The following TCF4 variants were observed in gnomAD, a reference collection of about 807,000 sequenced individuals.
TCF4 encodes the protein SL3-3 enhancer factor 2.
A neutral mutation model predicts 82.1 loss-of-function variants in TCF4; 3 were observed. That is an observed-to-expected ratio of 0.04 (90% confidence interval 0.02 to 0.09). The LOEUF is 0.09. TCF4 is among the 10% of genes least tolerant of loss of function. The pLI, the probability that TCF4 is intolerant of heterozygous loss-of-function variation, is 1.00. For missense variants in TCF4, 518 were observed against 852.7 expected (o/e 0.61, Z 4.89); for synonymous variants, 276 against 309.6 (o/e 0.89, Z 1.14).
intron 13 of TCF4, among the ~76,000 whole-genome samples, chr18:55,258,518 C>T (rs1464491347): frequency 6.6e-6 from 1 of 152,126 alleles, no homozygotes; most frequent in African/African-American, 2.4e-5. Context: ...AGATTTTTGT[C>T]CAAGCTCTGC....
chr18:55,231,206 C>T (rs769608157), intron 17 of TCF4: 1 of 152,200 alleles, frequency 6.6e-6, no homozygotes, highest in Non-Finnish European at 1.5e-5. Flanking sequence ...CAGTCTCTGC[C>T]AGGCCTGTCC....
chr18:55,409,428 T>C (rs1197306356), intron 5 of TCF4, among the ~76,000 whole-genome samples: 1 of 152,128 alleles, frequency 6.6e-6, no homozygotes, highest in African/African-American at 2.4e-5. Flanking sequence ...AGGTGCTCTC[T>C]AACTCCTATG....
intron 3 of TCF4, among the ~76,000 whole-genome samples, chr18:55,577,109 T>C (rs1173435054): frequency 6.8e-6 from 1 of 146,584 alleles, no homozygotes; most frequent in African/African-American, 2.5e-5. Context: ...TATTTATATA[T>C]GTATATATAC....
intron 3 of TCF4, among the ~76,000 whole-genome samples, chr18:55,574,227 T>G (rs1161107158): frequency 6.6e-6 from 1 of 152,220 alleles, no homozygotes; most frequent in Non-Finnish European, 1.5e-5. Context: ...TATACAGAGA[T>G]TTTAGGATTT....
At chr18:55,598,387 T>C (rs188040563) in intron 2 of TCF4, among the ~76,000 whole-genome samples, 29 of 152,308 alleles carry the variant, frequency 1.9e-4, no homozygotes, top group Admixed American at 2.6e-4. Context: ...CTATTTTGTA[T>C]TTTTTATTTT....
chr18:55,401,721 G>T (rs2093830626), intron 6 of TCF4: 2 of 986,096 alleles, frequency 2.0e-6, no homozygotes, highest in Non-Finnish European at 2.4e-6. Context: ...AAGTTAAGGG[G>T]CCTCACGCTT....
intron 3 of TCF4, among the ~76,000 whole-genome samples, chr18:55,491,095 T>C (rs905125613): frequency 6.6e-6 from 1 of 152,196 alleles, no homozygotes. Flanking sequence ...CAATGAAAAC[T>C]AATGAGTTAC....
At chr18:55,615,673 T>A (rs774083160) in intron 2 of TCF4, among the ~76,000 whole-genome samples, 4 of 152,142 alleles carry the variant, frequency 2.6e-5, no homozygotes, top group African/African-American at 7.2e-5. Flanking sequence ...TCAATAACCT[T>A]TATCAGATTG....
chr18:55,305,334 G>A (rs1445580373), intron 8 of TCF4, among the ~76,000 whole-genome samples: 1 of 152,020 alleles, frequency 6.6e-6, no homozygotes, highest in African/African-American at 2.4e-5. Context: ...TCTAAGTAAT[G>A]AAAACCACAA....
chr18:55,465,012 G>A (rs1320773681), intron 3 of TCF4, among the ~76,000 whole-genome samples: 1 of 152,168 alleles, frequency 6.6e-6, no homozygotes, highest in Non-Finnish European at 1.5e-5. Context: ...ACATAAAAGT[G>A]TTTTAAAGAT....
At chr18:55,395,278 C>A (rs1478094561) in intron 6 of TCF4, among the ~76,000 whole-genome samples, 2 of 152,110 alleles carry the variant, frequency 1.3e-5, no homozygotes, top group East Asian at 1.9e-4. Context: ...TCAATTATTT[C>A]TTTAGTCATT....
At chr18:55,505,089 C>T (rs980654453) in intron 3 of TCF4, among the ~76,000 whole-genome samples, 1 of 152,004 alleles carries the variant, frequency 6.6e-6, no homozygotes, top group African/African-American at 2.4e-5. Flanking sequence ...CATTTTTTTC[C>T]ACCTCACCAT....
intron 6 of TCF4, among the ~76,000 whole-genome samples, chr18:55,380,693 C>T (rs1421664827): frequency 6.6e-6 from 1 of 152,228 alleles, no homozygotes; most frequent in African/African-American, 2.4e-5. Context: ...TCATGCCCCA[C>T]TGTGAGCAGG....
At chr18:55,629,694 A>G (rs968444665) in intron 2 of TCF4, among the ~76,000 whole-genome samples, 1 of 152,212 alleles carries the variant, frequency 6.6e-6, no homozygotes, top group Non-Finnish European at 1.5e-5. Context: ...AGAAACTACA[A>G]AGCTGTTCTT....
chr18:55,366,814 T>A (rs1372123750), intron 6 of TCF4, among the ~76,000 whole-genome samples: 1 of 152,186 alleles, frequency 6.6e-6, no homozygotes, highest in Non-Finnish European at 1.5e-5. Flanking sequence ...TGGTGAGCAT[T>A]TTCATATGTT....
intron 6 of TCF4, among the ~76,000 whole-genome samples, chr18:55,379,084 C>T (rs2091416118): frequency 1.3e-5 from 2 of 152,182 alleles, no homozygotes; most frequent in Non-Finnish European, 2.9e-5. Flanking sequence ...TAGATGACCT[C>T]CCTGTTTCAA....
intron 3 of TCF4, among the ~76,000 whole-genome samples, chr18:55,487,442 G>C (rs189241710): frequency 7.0e-4 from 106 of 152,278 alleles, no homozygotes; most frequent in Non-Finnish European, 7.3e-4. Flanking sequence ...CCAATGCCTG[G>C]CTAAGGGCTC....
intron 8 of TCF4, among the ~76,000 whole-genome samples, chr18:55,292,044 C>A (rs2065224292): frequency 6.6e-6 from 1 of 152,068 alleles, no homozygotes; most frequent in African/African-American, 2.4e-5. Flanking sequence ...GAGATAGGAC[C>A]AGAAGACTAA....
At chr18:55,503,302 G>A (rs1439695354) in intron 3 of TCF4, among the ~76,000 whole-genome samples, 1 of 152,126 alleles carries the variant, frequency 6.6e-6, no homozygotes, top group Admixed American at 6.5e-5. Context: ...CCGAAAATTC[G>A]AAGTTAGAAA....
Sources: gnomAD v4.1 joint callset for allele counts (sites outside exome capture counted in the v4.1 genomes callset) on GRCh38, gnomAD v4.1.1 for gene constraint, MANE v1.5 for transcripts, NCBI Gene and HGNC (gene_info 2026-07-23, HGNC 2026-07-21) for gene names.